KIF6: variants seen among roughly 807,000 people sequenced by gnomAD.
The protein encoded by KIF6 is kinesin family member 6.
A neutral mutation model predicts 112.7 loss-of-function variants in KIF6; 106 were observed. The ratio of observed to expected loss-of-function variants is 0.94; its 90% confidence interval spans 0.80 to 1.11. The LOEUF (loss-of-function observed/expected upper bound fraction) is 1.11, where lower values mean the gene tolerates loss of function less well. Among genes scored for constraint, KIF6 ranks in the 50% least tolerant of loss-of-function variants. The pLI is 0.00. For missense variants in KIF6, 929 were observed against 964.0 expected (o/e 0.96, Z 0.48); for synonymous variants, 339 against 339.9 (o/e 1.00, Z 0.03).
At chr6:39,371,750 C>A (rs1320465071) in intron 16 of KIF6, among the ~76,000 whole-genome samples, 1 of 152,118 alleles carries the variant, frequency 6.6e-6, no homozygotes, top group African/African-American at 2.4e-5. Context: ...TTGTTAGGAC[C>A]CTGACCCATA....
chr6:39,483,561 A>G (rs952340803), intron 13 of KIF6, among the ~76,000 whole-genome samples: 1 of 152,232 alleles, frequency 6.6e-6, no homozygotes, highest in African/African-American at 2.4e-5. Context: ...TCCCTCGCTC[A>G]TGAAAACAAC....
chr6:39,566,013 A>G (rs1780255153), intron 10 of KIF6, among the ~76,000 whole-genome samples: 1 of 152,330 alleles, frequency 6.6e-6, no homozygotes, highest in Middle Eastern at 3.4e-3. Context: ...AGAGGGTGAA[A>G]GAGAAAACAG....
chr6:39,517,005 C>G (rs1777122285), intron 13 of KIF6, among the ~76,000 whole-genome samples: 1 of 152,188 alleles, frequency 6.6e-6, no homozygotes, highest in African/African-American at 2.4e-5. Flanking sequence ...TCTCCTTCCT[C>G]CGACACTGTG....
chr6:39,613,461 T>C lies in KIF6; in HGVS notation c.510-143A>G, dbSNP rs1017276488. 8.8e-6 allele frequency: 4 copies of C among 456,410 alleles called. 1 individual carries two copies. Among genetic ancestry groups the C allele is most frequent in the African/African-American group, 2.0e-5 (1 of 49,240 alleles). 28.3% of individuals were successfully genotyped at this position (456,410 alleles called of 1,614,324 possible). On this transcript the variant is annotated intron_variant, in intron 5 of 22. Coordinates refer to ENST00000287152, the MANE Select transcript of KIF6 (RefSeq NM_145027.6). ...TAACACACAAGATACCAGACAGCAC[T>C]GGATTAGAATCAAACACTGACATTC...
In KIF6 at chr6:39,389,920, A is replaced by C. The variant is rs548917261; in HGVS notation, c.1811-4248T>G. 3.7e-3 allele frequency among the ~76,000 whole-genome samples: 561 copies of C among 151,864 alleles called. 2 individuals carry two copies. Among genetic ancestry groups the C allele is most frequent in the Middle Eastern group, 0.014 (4 of 294 alleles). On this transcript the variant is annotated intron_variant, in intron 15 of 22. Transcript: ENST00000287152. ...GTGACGGGCACCTGTAATCCCAGCT[A>C]CTTGGGACACTGAGGCAGGAGAATC...
At chr6:39,373,619 T>G (rs973551207) in intron 16 of KIF6, among the ~76,000 whole-genome samples, 1 of 151,936 alleles carries the variant, frequency 6.6e-6, no homozygotes, top group Non-Finnish European at 1.5e-5. Context: ...CCATTAATGA[T>G]AGTAACAACA....
At chr6:39,583,311 C>T in intron 9 of KIF6, 1 of 446,892 alleles carries the variant, frequency 2.2e-6, no homozygotes, top group African/African-American at 2.0e-5. Context: ...CAACAAAATC[C>T]ACCCTAGCAG....
chr6:39,641,705 A>G (rs1010265292), intron 3 of KIF6, among the ~76,000 whole-genome samples: 24 of 152,074 alleles, frequency 1.6e-4, no homozygotes, highest in African/African-American at 5.8e-4. Flanking sequence ...ACAGAGCACA[A>G]ATTAATATTT....
chr6:39,617,756 C>T (rs1003372602), intron 5 of KIF6: 4 of 455,264 alleles, frequency 8.8e-6, no homozygotes, highest in African/African-American at 2.0e-5. Flanking sequence ...GAGGCCATTC[C>T]GTCTAGACAC....
intron 14 of KIF6, among the ~76,000 whole-genome samples, chr6:39,422,394 C>A (rs1770438399): frequency 6.6e-6 from 1 of 152,164 alleles, no homozygotes; most frequent in South Asian, 2.1e-4. Flanking sequence ...GTGTGGAAAG[C>A]CACGAGCTGT....
At position 39,442,866 on chromosome 6, in the gene KIF6, C is replaced by T. The variant is rs9296297; in HGVS notation, c.1646-11705G>A. Among the ~76,000 whole-genome samples, 131 of 152,156 alleles carry T rather than the reference C, an allele frequency of 8.6e-4. 1 individual carries two copies. The highest frequency in any genetic ancestry group is 2.9e-3 in the African/African-American group (120 of 41,508). ...CGATGGCTCATGCCTGTAATCCCAG[C>T]ACTTTGGGAGGCTGAGGTGGGCGGA... is the stretch of plus-strand genomic sequence containing the variant. On this transcript the variant is annotated intron_variant, in intron 13 of 22. Transcript: ENST00000287152.
chr6:39,724,527 T>C (rs1224332232), intron 1 of KIF6, among the ~76,000 whole-genome samples: 1 of 151,922 alleles, frequency 6.6e-6, no homozygotes, highest in African/African-American at 2.4e-5. Flanking sequence ...TAACCTTCTT[T>C]ATACCTTTCT....
chr6:39,601,365 A>C (rs979252232), intron 6 of KIF6, among the ~76,000 whole-genome samples: 3 of 151,968 alleles, frequency 2.0e-5, no homozygotes, highest in Non-Finnish European at 4.4e-5. Context: ...ATTGTTCTCC[A>C]TCTCTCAGAC....
chr6:39,454,871 G>A (rs369891708), intron 13 of KIF6, among the ~76,000 whole-genome samples: 4 of 152,112 alleles, frequency 2.6e-5, no homozygotes, highest in East Asian at 1.9e-4. Flanking sequence ...AGGGTCCTAC[G>A]CCCACCGAAT....
chr6:39,586,040 T>C (rs1184228483), intron 8 of KIF6, among the ~76,000 whole-genome samples: 1 of 152,202 alleles, frequency 6.6e-6, no homozygotes, highest in African/African-American at 2.4e-5. Flanking sequence ...AACTATCCTG[T>C]GCTATGTGAA....
At chr6:39,363,635 G>A (rs545418355) in intron 16 of KIF6, among the ~76,000 whole-genome samples, 5 of 152,284 alleles carry the variant, frequency 3.3e-5, no homozygotes, top group South Asian at 2.1e-4. Flanking sequence ...CCTAGAAGTC[G>A]TACAGCCCTG....
intron 4 of KIF6, among the ~76,000 whole-genome samples, chr6:39,635,862 G>A (rs191540607): frequency 3.6e-4 from 55 of 152,032 alleles, no homozygotes; most frequent in African/African-American, 1.2e-3. Context: ...TTCCATTTCC[G>A]CAAATATTAT....
intron 12 of KIF6, among the ~76,000 whole-genome samples, chr6:39,541,341 T>A (rs1191305404): frequency 1.3e-5 from 2 of 152,204 alleles, no homozygotes; most frequent in African/African-American, 4.8e-5. Flanking sequence ...CAAAACAACA[T>A]GTACTTACCA....
intron 3 of KIF6, among the ~76,000 whole-genome samples, chr6:39,679,289 C>T (rs1037503525): frequency 6.6e-6 from 1 of 152,148 alleles, no homozygotes; most frequent in African/African-American, 2.4e-5. Context: ...TTTAAAGAGT[C>T]CAGTTAATCT....
Sources: gnomAD v4.1 joint callset for allele counts (sites outside exome capture counted in the v4.1 genomes callset) on GRCh38, gnomAD v4.1.1 for gene constraint, MANE v1.5 for transcripts, NCBI Gene and HGNC (gene_info 2026-07-23, HGNC 2026-07-21) for gene names.